Variants in ZFP30 observed in about 807,000 individuals in gnomAD.
ZFP30 encodes zinc finger protein 30 homolog.
ZFP30 carries 16 observed loss-of-function variants against 12.3 expected under a neutral mutation model. The ratio of observed to expected loss-of-function variants is 1.30; its 90% confidence interval spans 0.88 to 1.98. The LOEUF (loss-of-function observed/expected upper bound fraction) is 1.98. Among genes scored for constraint, ZFP30 ranks in the 30% most tolerant of loss-of-function variants. The pLI is 0.00. For missense variants in ZFP30, 560 were observed against 611.2 expected (o/e 0.92, Z 0.88); for synonymous variants, 172 against 201.0 (o/e 0.86, Z 1.22).
chr19:37,647,689 G>GT, intron 3 of ZFP30, 125 bp downstream of exon 3: 1 of 1,209,638 alleles, frequency 8.3e-7, no homozygotes, highest in Non-Finnish European at 1.2e-6. Flanking sequence ...GTGCTGGAAT[G>GT]GGGAAGACTG....
chr19:37,653,008 T>C (rs963876786), intron 2 of ZFP30, among the ~76,000 whole-genome samples: 1 of 151,406 alleles, frequency 6.6e-6, no homozygotes, highest in Non-Finnish European at 1.5e-5. Flanking sequence ...TCCCAGCTAC[T>C]TGGGAGGCTG....
intron 2 of ZFP30, among the ~76,000 whole-genome samples, chr19:37,648,877 C>T (rs938933940): frequency 6.6e-6 from 1 of 152,110 alleles, no homozygotes; most frequent in South Asian, 2.1e-4. Context: ...AATTACCAAG[C>T]AATCTTTCTT....
intron 5 of ZFP30, among the ~76,000 whole-genome samples, chr19:37,637,014 T>C (rs1445556517): frequency 6.6e-6 from 1 of 151,842 alleles, no homozygotes; most frequent in Non-Finnish European, 1.5e-5. Flanking sequence ...TCCGACCCAA[T>C]CTTTCCACTT....
chr19:37,639,839 G>A (rs2044400647), intron 5 of ZFP30, among the ~76,000 whole-genome samples: 2 of 151,774 alleles, frequency 1.3e-5, no homozygotes, highest in African/African-American at 4.8e-5. Flanking sequence ...GTGAACTTGA[G>A]ATTGTCATAT....
At chr19:37,649,992 C>T (rs922801849) in intron 2 of ZFP30, among the ~76,000 whole-genome samples, 1 of 151,988 alleles carries the variant, frequency 6.6e-6, no homozygotes, top group Admixed American at 6.6e-5. Context: ...AGGTAAACTA[C>T]ATACACATGC....
intron 5 of ZFP30, 34 bp from the exon 6 acceptor site, chr19:37,636,339 G>A: frequency 6.7e-7 from 1 of 1,481,754 alleles, no homozygotes. Flanking sequence ...ATATTTTCCT[G>A]TTCTACACAA....
At position 37,644,883 on chromosome 19, in the gene ZFP30, G is replaced by A. The variant is rs187475153; in HGVS notation, c.10-147C>T. The A allele has an allele frequency of 3.7e-3, 2,716 of 740,766 alleles. 24 individuals carry two copies. The highest frequency in any genetic ancestry group is 0.016 in the South Asian group (775 of 48,542). 45.9% of individuals were successfully genotyped at this position (740,766 alleles called of 1,614,324 possible). A position where few individuals can be genotyped will look rare whatever the true frequency, so the allele number is the denominator to read the frequency against. ...GGACTGCTTGAGGCCAGGAGTTTGA[G>A]ACCAGCCTAGACAACATACCAAGAA... On this transcript the variant is annotated intron_variant, in intron 3 of 5. Coordinates refer to ENST00000684514, the MANE Select transcript of ZFP30 (RefSeq NM_001320669.3).
rs777747947 is a variant in ZFP30, at chr19:37,636,076, C to T, written c.465G>A (p.Glu155=). ...CACATTCCCCACATTCGTAGGGTTTCTCTCTGTTATGACTTTTCTGATACA... is the reference window on the plus strand; with the variant it reads ...CACATTCCCCACATTCGTAGGGTTTTTCTCTGTTATGACTTTTCTGATACA... ...LPLYQKSHNR[E]KPYECGECGK... The change falls in exon 6 of 6, where the codon GAG becomes GAA. Residue 155 remains glutamate, a synonymous_variant. Transcript: ENST00000684514. The T allele has an allele frequency of 6.2e-7, 1 of 1,614,136 alleles. No homozygotes were observed. The highest frequency in any genetic ancestry group is 8.5e-7 in the Non-Finnish European group (1 of 1,180,012).
At chr19:37,646,842 C>T (rs2044552982) in intron 3 of ZFP30, among the ~76,000 whole-genome samples, 1 of 152,162 alleles carries the variant, frequency 6.6e-6, no homozygotes, top group Non-Finnish European at 1.5e-5. Flanking sequence ...AAGTAGTCCT[C>T]CTGCCTCAGC....
intron 5 of ZFP30, among the ~76,000 whole-genome samples, chr19:37,641,175 T>G (rs150059537): frequency 2.1e-3 from 318 of 152,350 alleles, no homozygotes; most frequent in African/African-American, 7.0e-3. Context: ...ACTTCATCAA[T>G]TGGTTCCACT....
chr19:37,651,447 G>C (rs986975519), intron 2 of ZFP30: 1 of 152,192 alleles, frequency 6.6e-6, no homozygotes, highest in African/African-American at 2.4e-5. Flanking sequence ...ATGGTGGCAT[G>C]TGCCTGTGGT....
In ZFP30 at chr19:37,636,180, G is replaced by A; in HGVS notation, c.361C>T (p.His121Tyr). Reference sequence around the variant, plus strand: ...GTCACTTGCCTGAAACACACCTCATGAGGACTTTCTTGTTCTTCAAGTCCA... The same window carrying A: ...GTCACTTGCCTGAAACACACCTCATAAGGACTTTCTTGTTCTTCAAGTCCA... ...SCGLEEQESP[H>Y]EVCFRQVTKT... is the part of the protein sequence containing the mutation. The change falls in exon 6 of 6, where the codon CAT becomes TAT. Residue 121 changes from histidine to tyrosine, a missense_variant. Transcript: ENST00000684514. 1 of 1,614,054 alleles carries A rather than the reference G, an allele frequency of 6.2e-7. No homozygotes were observed. Among genetic ancestry groups the A allele is most frequent in the South Asian group, 1.1e-5 (1 of 91,076 alleles).
Position 37,631,740 on chromosome 19 carries a change from G to A in ZFP30, c.*3241C>T, listed in dbSNP as rs976046421. On this transcript the variant is annotated 3_prime_UTR_variant, in exon 6 of 6. Transcript: ENST00000684514. ...ATTGAGATGATACTGGGCCAGAATC[G>A]TATCTCTTTTACTATCATTATGATG... 6 of 149,300 alleles carry A rather than the reference G, an allele frequency of 4.0e-5. No homozygotes were observed. Among genetic ancestry groups the A allele is most frequent in the Admixed American group, 1.3e-4 (2 of 15,016 alleles). 9.2% of individuals were successfully genotyped at this position (149,300 alleles called of 1,614,324 possible).
chr19:37,643,878 A>G (rs978920968), intron 4 of ZFP30, among the ~76,000 whole-genome samples: 1 of 152,226 alleles, frequency 6.6e-6, no homozygotes, highest in African/African-American at 2.4e-5. Context: ...AGCAGTTAAA[A>G]TATGTCTGTT....
At chr19:37,654,200 C>G (rs778595910) in intron 2 of ZFP30, among the ~76,000 whole-genome samples, 2 of 152,128 alleles carry the variant, frequency 1.3e-5, no homozygotes, top group African/African-American at 2.4e-5. Context: ...GGATTCAATT[C>G]CACTTAATCT....
intron 5 of ZFP30, among the ~76,000 whole-genome samples, chr19:37,639,255 G>T (rs969040619): frequency 1.3e-4 from 20 of 152,056 alleles, no homozygotes; most frequent in African/African-American, 4.8e-4. Context: ...GCTAAATAAT[G>T]GTAGTAAATA....
In ZFP30 at chr19:37,632,076, T is replaced by G. The variant is rs2044242206; in HGVS notation, c.*2905A>C. On this transcript the variant is annotated 3_prime_UTR_variant, in exon 6 of 6. Transcript: ENST00000684514. ...GTTCTCGGAGTCTCTCTGAGACCAC[T>G]CTGGCTCAGGAGAGTAGGATTTTTT... 1 of 152,054 alleles carries G rather than the reference T, an allele frequency of 6.6e-6. No homozygotes were observed. Among genetic ancestry groups the G allele is most frequent in the Admixed American group, 6.5e-5 (1 of 15,272 alleles). 9.4% of individuals were successfully genotyped at this position (152,054 alleles called of 1,614,324 possible).
At chr19:37,643,722 T>C (rs2044484248) in intron 4 of ZFP30, among the ~76,000 whole-genome samples, 1 of 152,210 alleles carries the variant, frequency 6.6e-6, no homozygotes, top group African/African-American at 2.4e-5. Context: ...TTTAGATGAG[T>C]ACCTGGTACA....
At chr19:37,637,019 C>A (rs1261293495) in intron 5 of ZFP30, among the ~76,000 whole-genome samples, 1 of 151,764 alleles carries the variant, frequency 6.6e-6, no homozygotes, top group Non-Finnish European at 1.5e-5. Flanking sequence ...CCCAATCTTT[C>A]CACTTTTTGG....
Sources: allele counts gnomAD v4.1 joint callset (sites outside exome capture counted in the v4.1 genomes callset), GRCh38; gene constraint gnomAD v4.1.1; transcripts MANE v1.5; gene names NCBI Gene and HGNC (gene_info 2026-07-23, HGNC 2026-07-21).